Variants in OSBPL6 observed in about 807,000 individuals in gnomAD.
The protein encoded by OSBPL6 is oxysterol-binding protein-related protein 6.
In OSBPL6, 49 loss-of-function variants were observed where a neutral mutation model predicts 125.8. The observed-to-expected ratio is 0.39, with a 90% CI of 0.31 to 0.49. The LOEUF (loss-of-function observed/expected upper bound fraction) is 0.49. Among genes scored for constraint, OSBPL6 ranks in the 20% least tolerant of loss-of-function variants. The pLI, the probability that OSBPL6 is intolerant of heterozygous loss-of-function variation, is 0.88. For missense variants in OSBPL6, 986 were observed against 1,135.4 expected, an observed-to-expected ratio of 0.87 and a Z score of 1.89; for synonymous variants, 394 against 391.8, an observed-to-expected ratio of 1.01 and a Z score of -0.07.
At chr2:178,202,764 G>C (rs987149274) in intron 1 of OSBPL6, among the ~76,000 whole-genome samples, 6 of 150,916 alleles carry the variant, frequency 4.0e-5, no homozygotes, top group Admixed American at 6.6e-5. Flanking sequence ...AGAGGTTGCA[G>C]TAAGCTGAGG....
At chr2:178,361,953 G>A in intron 13 of OSBPL6, 138 bp downstream of exon 13, 1 of 1,061,280 alleles carries the variant, frequency 9.4e-7, no homozygotes, top group East Asian at 2.7e-5. Flanking sequence ...CCAAAAGACT[G>A]CAGTGTCAGT....
intron 23 of OSBPL6, 47 bp from the exon 24 acceptor site, chr2:178,394,266 C>T: frequency 6.3e-7 from 1 of 1,588,954 alleles, no homozygotes; most frequent in Non-Finnish European, 8.5e-7. Context: ...TTTTTTTCCC[C>T]CAGAAAAGAG....
intron 3 of OSBPL6, among the ~76,000 whole-genome samples, chr2:178,310,957 T>A (rs1574834470): frequency 1.3e-5 from 2 of 152,234 alleles, no homozygotes; most frequent in East Asian, 3.9e-4. Context: ...TTCCAGTGGG[T>A]CTCCCTGCTT....
rs931296176 is a variant in OSBPL6, at chr2:178,372,198, G to A, written c.1360G>A (p.Val454Ile). 5 of 1,613,034 alleles carry A rather than the reference G, an allele frequency of 3.1e-6. No homozygotes were observed. In the East Asian group the frequency reaches 6.7e-5, roughly 22 times the overall value. The change falls in exon 14 of 25, where the codon GTT becomes ATT. Residue 454 changes from valine to isoleucine, a missense_variant. Physicochemically the swap from Val to Ile is conservative, Grantham distance 29. This residue lies in a region of OSBPL6 where 843 missense variants were observed against 997.3 expected (regional missense o/e 0.85). Coordinates refer to ENST00000190611, the MANE Select transcript of OSBPL6 (RefSeq NM_032523.4). ...TTCAGAGTCTATTATTTGTGATCAG[G>A]TTGTCAGTGTAAATATTATTCCTAG... ...IHSESIICDQ[V>I]VSVNIIPSPD...
At chr2:178,337,958 T>TTTTTTTTTTTTTTTTTTC (rs1341345045) in intron 9 of OSBPL6, among the ~76,000 whole-genome samples, 43 of 151,490 alleles carry the variant, frequency 2.8e-4, no homozygotes, top group African/African-American at 1.0e-3. Context: ...TCTTTTTTTT[T>TTTTTTTTTTTTTTTTTTC]TGAGACGGAG....
At chr2:178,312,693 T>G (rs944465214) in intron 3 of OSBPL6, among the ~76,000 whole-genome samples, 2 of 151,930 alleles carry the variant, frequency 1.3e-5, no homozygotes, top group Non-Finnish European at 2.9e-5. Context: ...TGACCTCAAG[T>G]GATCCACCCA....
chr2:178,258,531 A>G (rs1467717600), intron 1 of OSBPL6, among the ~76,000 whole-genome samples: 1 of 152,178 alleles, frequency 6.6e-6, no homozygotes, highest in African/African-American at 2.4e-5. Context: ...TATATCATCT[A>G]TACATCCACC....
chr2:178,320,818 T>A (rs1044307579), intron 3 of OSBPL6, among the ~76,000 whole-genome samples: 2 of 152,246 alleles, frequency 1.3e-5, no homozygotes, highest in African/African-American at 4.8e-5. Context: ...AAACTTAGGC[T>A]TTTTAACTGT....
chr2:178,299,400 A>C (rs1015629954), intron 2 of OSBPL6, among the ~76,000 whole-genome samples: 4 of 152,334 alleles, frequency 2.6e-5, no homozygotes, highest in Admixed American at 2.6e-4. Flanking sequence ...ACTATTAACC[A>C]GGGAAGCTGT....
At chr2:178,218,843 T>C (rs2090210853) in intron 1 of OSBPL6, among the ~76,000 whole-genome samples, 1 of 152,108 alleles carries the variant, frequency 6.6e-6, no homozygotes, top group African/African-American at 2.4e-5. Context: ...TTGTCCAGGC[T>C]AGTCTTGAAC....
chr2:178,243,015 A>G (rs910603223), intron 1 of OSBPL6, among the ~76,000 whole-genome samples: 3 of 151,930 alleles, frequency 2.0e-5, no homozygotes, highest in African/African-American at 7.2e-5. Flanking sequence ...GCACATTTTT[A>G]TAAATATATC....
At chr2:178,365,977 G>A (rs904654200) in intron 13 of OSBPL6, among the ~76,000 whole-genome samples, 4 of 151,964 alleles carry the variant, frequency 2.6e-5, no homozygotes, top group Admixed American at 6.6e-5. Context: ...TGCAACCTCC[G>A]CCTCCTGGGT....
At position 178,334,957 on chromosome 2, in the gene OSBPL6, C is replaced by T. The variant is rs540023886; in HGVS notation, c.658-1344C>T. 2.0e-5 allele frequency among the ~76,000 whole-genome samples: 3 copies of T among 152,242 alleles called. No homozygotes were observed. In the East Asian group the frequency reaches 5.8e-4, roughly 29 times the overall value. On this transcript the variant is annotated intron_variant, in intron 8 of 24. Coordinates refer to ENST00000190611, the MANE Select transcript of OSBPL6 (RefSeq NM_032523.4). ...TAAAAAAGGGAACGAACCATCTGGT[C>T]AGGGCATCAGGAAGGTTGGGAACTT... is the stretch of plus-strand genomic sequence containing the variant.
At chr2:178,228,489 T>G (rs980372910) in intron 1 of OSBPL6, among the ~76,000 whole-genome samples, 58 of 152,326 alleles carry the variant, frequency 3.8e-4, no homozygotes, top group African/African-American at 1.3e-3. Context: ...GAGCCAAGAT[T>G]GTGCCACTGC....
At chr2:178,321,332 T>G (rs1227180636) in intron 3 of OSBPL6, among the ~76,000 whole-genome samples, 1 of 152,112 alleles carries the variant, frequency 6.6e-6, no homozygotes, top group Non-Finnish European at 1.5e-5. Flanking sequence ...AAGATGAGCT[T>G]GTCCCCACCT....
intron 13 of OSBPL6, among the ~76,000 whole-genome samples, chr2:178,365,045 G>A (rs968990583): frequency 2.0e-5 from 3 of 151,832 alleles, no homozygotes; most frequent in African/African-American, 4.8e-5. Context: ...GCGTGGTGGC[G>A]GGCGCCTATA....
intron 11 of OSBPL6, among the ~76,000 whole-genome samples, chr2:178,341,040 T>G (rs1213505525): frequency 6.6e-6 from 1 of 152,236 alleles, no homozygotes; most frequent in East Asian, 1.9e-4. Context: ...GAAAATTACT[T>G]AAAATTGCTT....
At position 178,294,608 on chromosome 2, in the gene OSBPL6, G is replaced by T. The variant is rs189869918; in HGVS notation, c.-156+9487G>T. 1.3e-3 allele frequency among the ~76,000 whole-genome samples: 195 copies of T among 152,140 alleles called. 1 individual carries two copies. Among genetic ancestry groups the T allele is most frequent in the Non-Finnish European group, 4.7e-4 (32 of 67,976 alleles). On this transcript the variant is annotated intron_variant, in intron 2 of 24. Transcript: ENST00000190611. ...TTAAGGGATAACATCAGCTTTAGGA[G>T]AAGAGATTTTAGTATAGCTGTTCCT...
chr2:178,347,932 G>T (rs553103920), intron 11 of OSBPL6, among the ~76,000 whole-genome samples: 2 of 152,158 alleles, frequency 1.3e-5, no homozygotes, highest in East Asian at 3.8e-4. Context: ...TTCTTCCCCA[G>T]TAAGTCCTGG....
Sources: allele counts gnomAD v4.1 joint callset (sites outside exome capture counted in the v4.1 genomes callset), GRCh38; gene constraint gnomAD v4.1.1; regional missense constraint gnomAD v4.1.1; transcripts MANE v1.5; gene names NCBI Gene and HGNC (gene_info 2026-07-23, HGNC 2026-07-21).